The following PHKA1 variants were observed in gnomAD, a reference collection of about 807,000 sequenced individuals.
PHKA1 encodes the protein phosphorylase kinase regulatory subunit alpha 1, also known as phosphorylase b kinase regulatory subunit alpha, skeletal muscle isoform.
PHKA1 carries 60 observed loss-of-function variants against 110.2 expected under a neutral mutation model. That is an observed-to-expected ratio of 0.54 (90% CI 0.44 to 0.68). The LOEUF is 0.68. Among genes scored for constraint, PHKA1 ranks in the 30% least tolerant of loss-of-function variants. The pLI, the probability that PHKA1 is intolerant of heterozygous loss-of-function variation, is 0.00. For synonymous variants in PHKA1, 316 were observed against 333.6 expected (o/e 0.95, Z 0.58); for missense variants, 801 against 942.5 (o/e 0.85, Z 1.97).
intron 17 of PHKA1, among the ~76,000 whole-genome samples, chrX:72,623,919 A>G (rs1359046470): frequency 8.9e-6 from 1 of 112,034 alleles, no homozygotes; most frequent in African/African-American, 3.2e-5. Context: ...ACTAAACTAC[A>G]AAATAAAAGG....
intron 29 of PHKA1, among the ~76,000 whole-genome samples, chrX:72,588,153 T>C (rs1556217625): frequency 8.9e-6 from 1 of 112,139 alleles, no homozygotes. Context: ...CACATGGCAC[T>C]TATTCTAAAA....
chrX:72,639,434 G>A (rs910484399), intron 14 of PHKA1, among the ~76,000 whole-genome samples: 26 of 111,377 alleles, frequency 2.3e-4, no homozygotes, highest in Non-Finnish European at 4.5e-4. Context: ...TACTTGGAAG[G>A]CTGAGGCAGG....
At chrX:72,662,824 A>G (rs1465810434) in intron 8 of PHKA1, among the ~76,000 whole-genome samples, 1 of 111,454 alleles carries the variant, frequency 9.0e-6, no homozygotes, top group Non-Finnish European at 1.9e-5. Context: ...CACAGAGACT[A>G]TAATAACTGT....
At chrX:72,708,415 G>A (rs891053501) in intron 2 of PHKA1, among the ~76,000 whole-genome samples, 4 of 111,350 alleles carry the variant, frequency 3.6e-5, no homozygotes, top group African/African-American at 1.3e-4. Flanking sequence ...GGGCACCAGC[G>A]TGATATAATA....
At chrX:72,663,736 GA>G (rs202031447) in intron 8 of PHKA1, among the ~76,000 whole-genome samples, 6,527 of 69,382 alleles carry the variant, frequency 0.094, 680 homozygotes, top group East Asian at 0.66. Context: ...TCTAAGAGCT[GA>G]AAAAAAAAAA....
intron 4 of PHKA1, among the ~76,000 whole-genome samples, chrX:72,695,385 CTAAGT>C (rs782332043): frequency 9.0e-6 from 1 of 111,249 alleles, no homozygotes; most frequent in African/African-American, 3.3e-5. Context: ...ATTCTGATTC[CTAAGT>C]TAATTTTCTT....
At chrX:72,617,796 GAACT>G (rs2052919654) in intron 21 of PHKA1, among the ~76,000 whole-genome samples, 1 of 104,369 alleles carries the variant, frequency 9.6e-6, no homozygotes, top group Admixed American at 1.0e-4. Context: ...AATATTTAGA[GAACT>G]AATACTAATT....
intron 29 of PHKA1, among the ~76,000 whole-genome samples, chrX:72,586,414 C>G (rs2052430995): frequency 8.9e-6 from 1 of 111,826 alleles, no homozygotes; most frequent in Non-Finnish European, 1.9e-5. Context: ...ACACCAAAAC[C>G]CCATCTGTAG....
At chrX:72,622,958 A>T in intron 18 of PHKA1, 151 bp downstream of exon 18, 1 of 1,103,396 alleles carries the variant, frequency 9.1e-7, no homozygotes, top group Non-Finnish European at 1.2e-6. Context: ...AGGTAAGTAG[A>T]GGGAGGAAAA....
At chrX:72,666,738 T>C (rs2053619658) in intron 7 of PHKA1, among the ~76,000 whole-genome samples, 2 of 111,905 alleles carry the variant, frequency 1.8e-5, no homozygotes, top group Non-Finnish European at 3.8e-5. Flanking sequence ...AGAAGCAGGA[T>C]AGGGAAGGCT....
intron 14 of PHKA1, among the ~76,000 whole-genome samples, chrX:72,643,649 A>G (rs1603262462): frequency 1.8e-5 from 2 of 111,575 alleles, no homozygotes; most frequent in African/African-American, 6.5e-5. Flanking sequence ...CTACTTTTAT[A>G]GTCTGGTCTT....
At position 72,682,943 on chromosome X, in the gene PHKA1, A is replaced by ATT. The variant is rs2053926500; in HGVS notation, c.537+1554_537+1555insAA. ...CAATAAAAAAATAAATTAAAAAAAA[A>ATT]AAAAAAAAAAAAAAAGAAAGTTTTT... On this transcript the variant is annotated intron_variant, in intron 5 of 31. Transcript: ENST00000373542. Among the ~76,000 whole-genome samples the ATT allele has an allele frequency of 3.8e-5, 4 of 104,728 alleles. No homozygotes were observed. The South Asian group carries it at 1.3e-3, about 34-fold the overall frequency. 90.9% of individuals were successfully genotyped at this position (104,728 alleles called of 115,157 possible).
rs781837615 is a variant in PHKA1, at chrX:72,648,495, A to G, written c.1324+1895T>C. Among the ~76,000 whole-genome samples, 4 of 111,832 alleles carry G rather than the reference A, an allele frequency of 3.6e-5. No homozygotes were observed. In the East Asian group the frequency reaches 1.1e-3, roughly 31 times the overall value. ...TGCTGACTAACAAGAACAAGGATGAACAGGAGGCACTGTAAACCTAGCTGA... is the reference window on the plus strand; with the variant it reads ...TGCTGACTAACAAGAACAAGGATGAGCAGGAGGCACTGTAAACCTAGCTGA... On this transcript the variant is annotated intron_variant, in intron 13 of 31. Transcript: ENST00000373542.
intron 28 of PHKA1, among the ~76,000 whole-genome samples, chrX:72,594,709 G>A (rs1396349317): frequency 4.4e-5 from 5 of 112,587 alleles, no homozygotes; most frequent in Non-Finnish European, 9.4e-5. Flanking sequence ...CCAGCTACTC[G>A]GGAGGCTGAG....
chrX:72,599,779 A>C (rs1215784725), intron 28 of PHKA1: 2 of 522,437 alleles, frequency 3.8e-6, no homozygotes, highest in Non-Finnish European at 7.0e-6. Flanking sequence ...TTCAAAGCAC[A>C]TGTGAATGGC....
At position 72,645,896 on chromosome X, in the gene PHKA1, G is replaced by C. The variant is rs879976366; in HGVS notation, c.1325-1400C>G. Among the ~76,000 whole-genome samples the C allele has an allele frequency of 8.9e-5, 10 of 111,969 alleles. No homozygotes were observed. In the East Asian group the frequency reaches 1.1e-3, roughly 13 times the overall value. On this transcript the variant is annotated intron_variant, in intron 13 of 31. Coordinates refer to ENST00000373542, the MANE Select transcript of PHKA1 (RefSeq NM_002637.4). ...GTTGGGAGGAGTAGTATCAGGAAAGGCTTCTGCAAAGTGTTGATGCCTAAA... is the reference window on the plus strand; with the variant it reads ...GTTGGGAGGAGTAGTATCAGGAAAGCCTTCTGCAAAGTGTTGATGCCTAAA...
intron 5 of PHKA1, among the ~76,000 whole-genome samples, chrX:72,681,383 G>A (rs1603270217): frequency 8.9e-6 from 1 of 112,597 alleles, no homozygotes; most frequent in East Asian, 2.8e-4. Flanking sequence ...CACCCCATCT[G>A]GGAGGGAGGT....
At chrX:72,684,684 C>T in intron 4 of PHKA1, 104 bp from the exon 5 acceptor site, 1 of 543,395 alleles carries the variant, frequency 1.8e-6, no homozygotes, top group South Asian at 2.6e-5. Context: ...AGCAATCCTA[C>T]TCCTGCCTAG....
intron 5 of PHKA1, among the ~76,000 whole-genome samples, chrX:72,682,047 C>A (rs1453639615): frequency 1.4e-3 from 125 of 91,652 alleles, no homozygotes; most frequent in African/African-American, 4.9e-3. Context: ...GGCCCCCCGC[C>A]CGGCCAGCCG....
Sources: allele counts gnomAD v4.1 joint callset (sites outside exome capture counted in the v4.1 genomes callset), GRCh38; gene constraint gnomAD v4.1.1; transcripts MANE v1.5; gene names NCBI Gene and HGNC (gene_info 2026-07-23, HGNC 2026-07-21).